Variants in ROCK1 observed in about 807,000 individuals in gnomAD.
ROCK1 encodes rho-associated protein kinase 1.
Under a neutral mutation model 196.8 loss-of-function variants are expected in ROCK1, and 36 were observed. The observed-to-expected ratio is 0.18, with a 90% CI of 0.14 to 0.24. The LOEUF is 0.24. Among genes scored for constraint, ROCK1 ranks in the 10% least tolerant of loss-of-function variants. The pLI is 1.00. For missense variants in ROCK1, 920 were observed against 1,562.0 expected (o/e 0.59, Z 6.93); for synonymous variants, 443 against 515.9 (o/e 0.86, Z 1.91).
At chr18:20,967,698 A>C (rs2035387116) in intron 26 of ROCK1, 54 bp downstream of exon 26, 2 of 1,300,852 alleles carry the variant, frequency 1.5e-6, no homozygotes, top group Non-Finnish European at 2.1e-6. Context: ...ATACAGAAAT[A>C]ATTTAAGAAA....
chr18:20,959,007 TTATATAATA>T (rs1166787703), intron 29 of ROCK1, among the ~76,000 whole-genome samples: 5 of 78,188 alleles, frequency 6.4e-5, no homozygotes, highest in Non-Finnish European at 1.1e-4. Flanking sequence ...TATATATATT[TTATATAATA>T]TATATAATAT....
chr18:21,104,149 G>A (rs534101669), intron 1 of ROCK1, among the ~76,000 whole-genome samples: 2 of 152,176 alleles, frequency 1.3e-5, no homozygotes, highest in Non-Finnish European at 2.9e-5. Flanking sequence ...ATCAATTATC[G>A]TAATAGAATC....
intron 29 of ROCK1, among the ~76,000 whole-genome samples, chr18:20,957,604 C>T (rs1177117750): frequency 2.6e-5 from 4 of 152,090 alleles, no homozygotes; most frequent in Non-Finnish European, 4.4e-5. Context: ...CCTCAGCCTC[C>T]CGAGTAGCTG....
chr18:20,965,987 C>T (rs913771662), intron 27 of ROCK1, among the ~76,000 whole-genome samples: 3 of 152,118 alleles, frequency 2.0e-5, no homozygotes, highest in Non-Finnish European at 4.4e-5. Flanking sequence ...ATCAAATTCA[C>T]AATAACAAGT....
intron 16 of ROCK1, among the ~76,000 whole-genome samples, chr18:21,003,735 T>C (rs951636787): frequency 3.3e-5 from 5 of 152,156 alleles, no homozygotes; most frequent in African/African-American, 7.2e-5. Flanking sequence ...GCATCCTTAA[T>C]TGGAAAATCC....
At chr18:21,095,261 G>A (rs1162112144) in intron 1 of ROCK1, among the ~76,000 whole-genome samples, 1 of 151,670 alleles carries the variant, frequency 6.6e-6, no homozygotes, top group Non-Finnish European at 1.5e-5. Flanking sequence ...ATGTTAACGG[G>A]AATGTAAATT....
chr18:20,996,110 A>T (rs1397445410), intron 16 of ROCK1, among the ~76,000 whole-genome samples: 2 of 152,134 alleles, frequency 1.3e-5, no homozygotes, highest in Admixed American at 6.5e-5. Context: ...GAGATATAAG[A>T]CCTTTCAGAC....
chr18:21,091,218 C>T (rs921907570), intron 1 of ROCK1, among the ~76,000 whole-genome samples: 4 of 152,080 alleles, frequency 2.6e-5, no homozygotes, highest in Admixed American at 6.5e-5. Flanking sequence ...GATCTACCTC[C>T]ACTTAATGAA....
chr18:21,025,307 T>C (rs1326748047), intron 10 of ROCK1, among the ~76,000 whole-genome samples: 1 of 152,224 alleles, frequency 6.6e-6, no homozygotes, highest in Non-Finnish European at 1.5e-5. Context: ...TAAGCAACAA[T>C]GATTTCTGCC....
Position 20,947,606 on chromosome 18 carries a change from C to A in ROCK1, c.*3778G>T, listed in dbSNP as rs2035141301. Reference sequence around the variant, plus strand: ...AATGAGAGAGTAAAACTGCTTGAGGCTAGGAGTTAGAGACCACCCTGGGCA... The same window carrying A: ...AATGAGAGAGTAAAACTGCTTGAGGATAGGAGTTAGAGACCACCCTGGGCA... On this transcript the variant is annotated 3_prime_UTR_variant, in exon 33 of 33. Transcript: ENST00000399799. 1 of 152,128 alleles carries A rather than the reference C, an allele frequency of 6.6e-6. No homozygotes were observed. The highest frequency in any genetic ancestry group is 1.5e-5 in the Non-Finnish European group (1 of 68,034). 9.4% of individuals were successfully genotyped at this position (152,128 alleles called of 1,614,324 possible).
chr18:20,986,833 G>A (rs1471435716), intron 19 of ROCK1, 117 bp downstream of exon 19: 1 of 914,850 alleles, frequency 1.1e-6, no homozygotes, highest in Non-Finnish European at 1.6e-6. Context: ...ACAGACCCAT[G>A]TCAATTATTT....
chr18:21,013,795 G>C (rs1209103176), intron 13 of ROCK1, among the ~76,000 whole-genome samples: 1 of 152,142 alleles, frequency 6.6e-6, no homozygotes, highest in East Asian at 1.9e-4. Flanking sequence ...TGGGCGCGGT[G>C]GCTCAGGCCT....
rs538483778 is a variant in ROCK1 at position 21,106,448 on chromosome 18, G to A, written c.93+4370C>T. ...CCTCCAGGAGCGAGCCACTGCACCC[G>A]GCCTTGTTTTTCCTATTTAATTTAC... On this transcript the variant is annotated intron_variant, in intron 1 of 32. Coordinates refer to ENST00000399799, the MANE Select transcript of ROCK1 (RefSeq NM_005406.3). 1.5e-4 allele frequency among the ~76,000 whole-genome samples: 23 copies of A among 152,144 alleles called. No homozygotes were observed. In the East Asian group the frequency reaches 3.1e-3, roughly 20 times the overall value.
intron 2 of ROCK1, among the ~76,000 whole-genome samples, chr18:21,056,148 ACTT>A (rs1302376628): frequency 6.6e-6 from 1 of 151,666 alleles, no homozygotes; most frequent in Non-Finnish European, 1.5e-5. Context: ...CTCAATGGTG[ACTT>A]CTTCTCTATC....
intron 22 of ROCK1, among the ~76,000 whole-genome samples, chr18:20,972,689 AG>A (rs1339138187): frequency 6.6e-5 from 10 of 152,206 alleles, no homozygotes; most frequent in Admixed American, 1.3e-4. Context: ...AAATAAGGTG[AG>A]AACTGAGAAG....
intron 1 of ROCK1, among the ~76,000 whole-genome samples, chr18:21,104,633 C>G (rs921602798): frequency 6.6e-6 from 1 of 151,920 alleles, no homozygotes; most frequent in Non-Finnish European, 1.5e-5. Context: ...ATATCTCAGC[C>G]GTTACTCTGA....
chr18:21,064,037 CT>C (rs1436000778), intron 2 of ROCK1, among the ~76,000 whole-genome samples: 4 of 152,178 alleles, frequency 2.6e-5, no homozygotes, highest in Non-Finnish European at 5.9e-5. Flanking sequence ...CTTGAACTTA[CT>C]TCAATTTCTT....
chr18:21,045,266 A>G, intron 5 of ROCK1, 26 bp downstream of exon 5: 1 of 1,549,220 alleles, frequency 6.5e-7, no homozygotes, highest in Non-Finnish European at 8.7e-7. Context: ...AACAAATGAG[A>G]AAATTTAAAG....
intron 2 of ROCK1, among the ~76,000 whole-genome samples, chr18:21,053,278 CT>C (rs529133107): frequency 0.012 from 1,729 of 142,076 alleles, 31 homozygotes; most frequent in African/African-American, 0.038. Context: ...ATTGCAGCCT[CT>C]TTTTTTTTTT....
Sources: gnomAD v4.1 joint callset for allele counts (sites outside exome capture counted in the v4.1 genomes callset) on GRCh38, gnomAD v4.1.1 for gene constraint, MANE v1.5 for transcripts, NCBI Gene and HGNC (gene_info 2026-07-23, HGNC 2026-07-21) for gene names.